The following GRID2 variants were observed in gnomAD, a reference collection of about 807,000 sequenced individuals.
GRID2 encodes glutamate receptor ionotropic, delta-2.
A neutral mutation model predicts 114.8 loss-of-function variants in GRID2; 33 were observed. The ratio of observed to expected loss-of-function variants is 0.29; its 90% confidence interval spans 0.22 to 0.38. The LOEUF is 0.38. Among genes scored for constraint, GRID2 ranks in the 10% least tolerant of loss-of-function variants. The pLI is 1.00. For synonymous variants in GRID2, 505 were observed against 449.9 expected (o/e 1.12, Z -1.55); for missense variants, 1,184 against 1,257.7 (o/e 0.94, Z 0.89).
intron 2 of GRID2, among the ~76,000 whole-genome samples, chr4:92,724,731 A>G (rs1735983377): frequency 6.6e-6 from 1 of 152,182 alleles, no homozygotes; most frequent in African/African-American, 2.4e-5. Context: ...GGTAATAATG[A>G]TACCTGAAAT....
chr4:92,416,430 T>C (rs763312661), intron 1 of GRID2, among the ~76,000 whole-genome samples: 4 of 152,170 alleles, frequency 2.6e-5, no homozygotes, highest in Non-Finnish European at 5.9e-5. Flanking sequence ...AATTTATCTT[T>C]GTTTCTGCTG....
chr4:93,252,068 C>T (rs3960134), intron 8 of GRID2, among the ~76,000 whole-genome samples: 104,132 of 152,028 alleles, frequency 0.68, 36,064 homozygotes, highest in Middle Eastern at 0.85. Flanking sequence ...CTGTCTTCCA[C>T]AATCTGATCC....
At chr4:92,976,152 T>C (rs1386175532) in intron 2 of GRID2, among the ~76,000 whole-genome samples, 2 of 152,122 alleles carry the variant, frequency 1.3e-5, no homozygotes, top group Non-Finnish European at 2.9e-5. Context: ...ACTATAAATA[T>C]TTCACCTTGG....
At chr4:93,273,699 C>T (rs1361121386) in intron 8 of GRID2, among the ~76,000 whole-genome samples, 1 of 152,056 alleles carries the variant, frequency 6.6e-6, no homozygotes, top group Non-Finnish European at 1.5e-5. Context: ...CTAAGAAAGA[C>T]AGGCCCTGCC....
chr4:92,321,035 T>A (rs2110126666), intron 1 of GRID2, among the ~76,000 whole-genome samples: 1 of 152,294 alleles, frequency 6.6e-6, no homozygotes, highest in Admixed American at 6.5e-5. Flanking sequence ...AATGTATAAT[T>A]CTCTTACATA....
intron 2 of GRID2, among the ~76,000 whole-genome samples, chr4:93,008,792 A>G (rs1329398634): frequency 6.6e-6 from 1 of 152,158 alleles, no homozygotes; most frequent in Non-Finnish European, 1.5e-5. Context: ...AGCAATATAA[A>G]TAAAATTTCT....
intron 2 of GRID2, among the ~76,000 whole-genome samples, chr4:92,769,194 A>C (rs1244288737): frequency 3.3e-5 from 5 of 152,224 alleles, no homozygotes; most frequent in Non-Finnish European, 5.9e-5. Context: ...GGCCCTGTGC[A>C]GTCCGAAACC....
chr4:93,530,662 T>C (rs1422075305), intron 13 of GRID2, among the ~76,000 whole-genome samples: 1 of 152,170 alleles, frequency 6.6e-6, no homozygotes, highest in Non-Finnish European at 1.5e-5. Flanking sequence ...TTCCTTTTAA[T>C]ACTGTAATTG....
At position 93,544,131 on chromosome 4, in the gene GRID2, T is replaced by C. The variant is rs1255664236; in HGVS notation, c.2193+28720T>C. Among the ~76,000 whole-genome samples the C allele has an allele frequency of 2.0e-5, 3 of 152,260 alleles. No individual in the cohort carries two copies. The East Asian group carries it at 5.8e-4, about 29-fold the overall frequency. On this transcript the variant is annotated intron_variant, in intron 13 of 15. Transcript: ENST00000282020. ...ATTGCCTTAGTTCTGAGACCAGCTC[T>C]CCCAGAGATTTGCTTTGTAACCACT...
At chr4:92,343,317 T>C (rs554555464) in intron 1 of GRID2, among the ~76,000 whole-genome samples, 1 of 151,830 alleles carries the variant, frequency 6.6e-6, no homozygotes, top group South Asian at 2.1e-4. Flanking sequence ...ATTATATATG[T>C]AATATTTACA....
chr4:93,668,607 G>T (rs1724142526), intron 14 of GRID2, among the ~76,000 whole-genome samples: 1 of 152,016 alleles, frequency 6.6e-6, no homozygotes, highest in African/African-American at 2.4e-5. Flanking sequence ...AAGAAGTAGA[G>T]ATATAAACAA....
In GRID2 at chr4:92,875,222, G is replaced by A. The variant is rs368174251; in HGVS notation, c.245-209773G>A. 4.8e-5 allele frequency among the ~76,000 whole-genome samples: 7 copies of A among 144,528 alleles called. No individual in the cohort carries two copies. In the East Asian group the frequency reaches 1.2e-3, roughly 26 times the overall value. The allele number at this position is 144,528 out of a possible 152,430, so 94.8% of individuals were successfully genotyped here. ...TGTTGCCCGGGTTTGGAGCGCAATG[G>A]CGCAATCTCAGCCTACTGCAACCTC... On this transcript the variant is annotated intron_variant, in intron 2 of 15. Coordinates refer to ENST00000282020, the MANE Select transcript of GRID2 (RefSeq NM_001510.4).
chr4:93,385,824 T>A (rs1313256584), intron 8 of GRID2, among the ~76,000 whole-genome samples: 2 of 152,022 alleles, frequency 1.3e-5, no homozygotes, highest in Non-Finnish European at 2.9e-5. Flanking sequence ...GAAACTAAGG[T>A]TTTTAAAAAA....
intron 7 of GRID2, among the ~76,000 whole-genome samples, chr4:93,236,639 C>A (rs899526185): frequency 3.9e-5 from 6 of 152,022 alleles, no homozygotes; most frequent in African/African-American, 1.4e-4. Context: ...TTCCAATTGG[C>A]AGGGAAATTA....
chr4:93,258,031 A>G (rs1749816986), intron 8 of GRID2, among the ~76,000 whole-genome samples: 1 of 149,006 alleles, frequency 6.7e-6, no homozygotes, highest in South Asian at 2.1e-4. Context: ...CACACACAAT[A>G]CTGGTAATAC....
chr4:92,639,475 C>T (rs538954333), intron 2 of GRID2, among the ~76,000 whole-genome samples: 9 of 151,792 alleles, frequency 5.9e-5, no homozygotes, highest in Admixed American at 1.3e-4. Flanking sequence ...ATGCTATAAA[C>T]GTTAGACTTA....
intron 2 of GRID2, among the ~76,000 whole-genome samples, chr4:93,057,660 C>T (rs1727389685): frequency 6.6e-6 from 1 of 151,880 alleles, no homozygotes; most frequent in Non-Finnish European, 1.5e-5. Flanking sequence ...AATGAACTCC[C>T]CTAGCCTCAA....
chr4:93,460,844 G>T (rs1427625380), intron 11 of GRID2, among the ~76,000 whole-genome samples: 3 of 151,414 alleles, frequency 2.0e-5, no homozygotes, highest in East Asian at 1.9e-4. Context: ...AAACCAAAAA[G>T]AAATTTATCT....
chr4:92,350,678 A>G (rs1209971638), intron 1 of GRID2, among the ~76,000 whole-genome samples: 1 of 151,836 alleles, frequency 6.6e-6, no homozygotes, highest in Admixed American at 6.6e-5. Context: ...CTTTATTGAG[A>G]TATAATTTAC....
Sources: allele counts gnomAD v4.1 joint callset (sites outside exome capture counted in the v4.1 genomes callset), GRCh38; gene constraint gnomAD v4.1.1; transcripts MANE v1.5; gene names NCBI Gene and HGNC (gene_info 2026-07-23, HGNC 2026-07-21).